The following PCDHGA5 variants were observed in gnomAD, a reference collection of about 807,000 sequenced individuals.
PCDHGA5 encodes the protein protocadherin gamma subfamily A, 5.
In PCDHGA5, 36 loss-of-function variants were observed where a neutral mutation model predicts 56.7. That is an observed-to-expected ratio of 0.64 (90% CI 0.49 to 0.84). The LOEUF (loss-of-function observed/expected upper bound fraction) is 0.84. Ranked by LOEUF, PCDHGA5 falls within the 40% of genes least tolerant of loss-of-function variation. The pLI, the probability that PCDHGA5 is intolerant of heterozygous loss-of-function variation, is 0.00. For synonymous variants in PCDHGA5, 563 were observed against 520.2 expected (o/e 1.08, Z -1.12); for missense variants, 1,305 against 1,201.5 (o/e 1.09, Z -1.27).
intron 1 of PCDHGA5, chr5:141,478,776 A>T: frequency 1.3e-6 from 2 of 1,488,808 alleles, no homozygotes; most frequent in Non-Finnish European, 1.8e-6. Context: ...TCATCTGTGG[A>T]CCTAATTCAC....
At chr5:141,392,732 T>C in intron 1 of PCDHGA5, 1 of 1,414,588 alleles carries the variant, frequency 7.1e-7, no homozygotes. Context: ...AGGATTGTCA[T>C]CTCCATAGCT....
intron 1 of PCDHGA5, among the ~76,000 whole-genome samples, chr5:141,449,342 C>T (rs895923034): frequency 3.3e-5 from 5 of 151,854 alleles, no homozygotes; most frequent in Non-Finnish European, 5.9e-5. Context: ...TGCAGTGGCT[C>T]ACTCCTGTAA....
intron 2 of PCDHGA5, among the ~76,000 whole-genome samples, chr5:141,497,671 C>T (rs1026356633): frequency 6.6e-5 from 10 of 151,878 alleles, no homozygotes; most frequent in African/African-American, 2.4e-4. Flanking sequence ...TCCCGAGTAG[C>T]TGGGACAGCA....
At chr5:141,447,023 G>GT (rs5871773) in intron 1 of PCDHGA5, among the ~76,000 whole-genome samples, 28,105 of 151,474 alleles carry the variant, frequency 0.19, 2,731 homozygotes, top group African/African-American at 0.24. Context: ...GTTTTGTTTT[G>GT]TTTTTTTTCT....
At chr5:141,404,248 G>A in intron 1 of PCDHGA5, 2 of 1,613,812 alleles carry the variant, frequency 1.2e-6, no homozygotes, top group African/African-American at 2.7e-5. Flanking sequence ...CTCCGCCCCT[G>A]TCCACAGAAA....
At position 141,399,889 on chromosome 5, in the gene PCDHGA5, G is replaced by A. The variant is rs2093912508; in HGVS notation, c.2421+33138G>A. 2.5e-6 allele frequency: 4 copies of A among 1,612,576 alleles called. No homozygotes were observed. In the African/African-American group the frequency reaches 5.3e-5, roughly 22 times the overall value. On this transcript the variant is annotated intron_variant, in intron 1 of 3. Coordinates refer to ENST00000518069, the MANE Select transcript of PCDHGA5 (RefSeq NM_018918.3). Reference sequence around the variant, plus strand: ...GCCCGGCTACCTGGTGACCAAGGTAGTGGCCGTGGACGCAGACTCAGGACA... The same window carrying A: ...GCCCGGCTACCTGGTGACCAAGGTAATGGCCGTGGACGCAGACTCAGGACA...
chr5:141,389,281 G>A (rs768749414), intron 1 of PCDHGA5: 3 of 1,614,012 alleles, frequency 1.9e-6, no homozygotes, highest in South Asian at 2.2e-5. Context: ...AACCCGCCTG[G>A]AGCCTCTATT....
intron 1 of PCDHGA5, chr5:141,372,039 C>T (rs757866605): frequency 1.2e-6 from 2 of 1,613,468 alleles, no homozygotes; most frequent in Non-Finnish European, 1.7e-6. Flanking sequence ...CGTGAGCCTG[C>T]GCGTGTTGGT....
chr5:141,419,209 G>A (rs541061354), intron 1 of PCDHGA5: 11 of 1,613,900 alleles, frequency 6.8e-6, no homozygotes, highest in South Asian at 5.5e-5. Context: ...ACAACGCGCC[G>A]GTTTTCGGAC....
At chr5:141,507,680 A>C (rs73794928) in intron 3 of PCDHGA5, among the ~76,000 whole-genome samples, 2,806 of 152,362 alleles carry the variant, frequency 0.018, 91 homozygotes, top group African/African-American at 0.063. Flanking sequence ...GATGTTAAAA[A>C]CAGAAATGAA....
intron 1 of PCDHGA5, chr5:141,388,773 G>A (rs769358867): frequency 1.9e-6 from 3 of 1,613,808 alleles, no homozygotes; most frequent in East Asian, 2.2e-5. Flanking sequence ...CTCTAACACC[G>A]GGGAAATTAC....
intron 1 of PCDHGA5, among the ~76,000 whole-genome samples, chr5:141,380,075 C>T (rs1776189722): frequency 6.6e-6 from 1 of 151,480 alleles, no homozygotes; most frequent in African/African-American, 2.4e-5. Flanking sequence ...AATTTTCATA[C>T]TTTTAGTAGA....
At chr5:141,448,220 G>A (rs750470070) in intron 1 of PCDHGA5, among the ~76,000 whole-genome samples, 9 of 152,148 alleles carry the variant, frequency 5.9e-5, no homozygotes, top group Non-Finnish European at 1.0e-4. Flanking sequence ...GTATGCGAAT[G>A]TATGTGTGGG....
intron 3 of PCDHGA5, among the ~76,000 whole-genome samples, chr5:141,508,871 A>T (rs981330486): frequency 5.3e-5 from 8 of 152,062 alleles, no homozygotes; most frequent in East Asian, 3.9e-4. Flanking sequence ...AAGGCTGAAG[A>T]GGCTGACGGC....
chr5:141,390,568 C>G (rs2092182781), intron 1 of PCDHGA5: 3 of 414,984 alleles, frequency 7.2e-6, no homozygotes, highest in East Asian at 4.5e-5. Flanking sequence ...GTTGTTGGCT[C>G]TCTCCTAAAA....
In PCDHGA5 at chr5:141,489,483, T is replaced by C. The variant is rs2099687756; in HGVS notation, c.2422-5324T>C. ...GCTATTTTTCCCTGAGCTTGATGAGTGGTGCCCTGGCAGTGAATCAAAAGA... is the reference window on the plus strand; with the variant it reads ...GCTATTTTTCCCTGAGCTTGATGAGCGGTGCCCTGGCAGTGAATCAAAAGA... On this transcript the variant is annotated intron_variant, in intron 1 of 3. Coordinates refer to ENST00000518069, the MANE Select transcript of PCDHGA5 (RefSeq NM_018918.3). This position sits in a 1 kb window ranked among gnomAD's most constrained non-coding sequence, Gnocchi z 4.5. 1 of 1,613,862 alleles carries C rather than the reference T, an allele frequency of 6.2e-7. No individual in the cohort carries two copies. The highest frequency in any genetic ancestry group is 1.1e-5 in the South Asian group (1 of 91,078).
At chr5:141,414,406 C>T (rs1315007586) in intron 1 of PCDHGA5, 6 of 1,613,764 alleles carry the variant, frequency 3.7e-6, no homozygotes, top group African/African-American at 2.7e-5. Flanking sequence ...ATTGGTGATA[C>T]ACAGAGCCCT....
At chr5:141,400,059 T>C (rs2093953035) in intron 1 of PCDHGA5, 2 of 1,613,750 alleles carry the variant, frequency 1.2e-6, no homozygotes, top group South Asian at 2.2e-5. Context: ...CTGTGCGTGA[T>C]GGTGGACAGC....
At chr5:141,419,533 C>T in intron 1 of PCDHGA5, 1 of 1,612,106 alleles carries the variant, frequency 6.2e-7, no homozygotes, top group Non-Finnish European at 8.5e-7. Context: ...GTAACGACAA[C>T]GCACCGCGGG....
Sources: gnomAD v4.1 joint callset for allele counts (sites outside exome capture counted in the v4.1 genomes callset) on GRCh38, gnomAD v4.1.1 for gene constraint, Gnocchi (gnomAD v3.1) non-coding constraint, MANE v1.5 for transcripts, NCBI Gene and HGNC (gene_info 2026-07-23, HGNC 2026-07-21) for gene names.